Variants in TMEM252 observed in about 807,000 individuals in gnomAD.
TMEM252 encodes transmembrane protein C9orf71.
TMEM252 carries 4 observed loss-of-function variants against 6.4 expected under a neutral mutation model. The observed-to-expected ratio is 0.62, with a 90% CI of 0.31 to 1.43. TMEM252 has a LOEUF of 1.43. TMEM252 is among the 40% of genes most tolerant of loss of function. The pLI is 0.07. For missense variants in TMEM252, 207 were observed against 209.4 expected, an observed-to-expected ratio of 0.99 and a Z score of 0.07; for synonymous variants, 85 against 82.5, an observed-to-expected ratio of 1.03 and a Z score of -0.17.
intron 1 of TMEM252, among the ~76,000 whole-genome samples, chr9:68,540,176 C>T (rs1422276558): frequency 6.6e-6 from 1 of 152,130 alleles, no homozygotes; most frequent in Admixed American, 6.6e-5. Flanking sequence ...ACTTGCTTTC[C>T]TTAGAACCTC....
In TMEM252 at chr9:68,537,208, A is replaced by C. The variant is rs1423789581; in HGVS notation, c.*51T>G. On this transcript the variant is annotated 3_prime_UTR_variant, in exon 2 of 2. Coordinates refer to ENST00000377311, the MANE Select transcript of TMEM252 (RefSeq NM_153237.2). ...TCCCTCGTTTGCCTTTATTATCAGTAGCTGCTCCCCACAGTGGTGGCATCA... is the reference window on the plus strand; with the variant it reads ...TCCCTCGTTTGCCTTTATTATCAGTCGCTGCTCCCCACAGTGGTGGCATCA... 4.0e-6 allele frequency: 6 copies of C among 1,516,058 alleles called. No individual in the cohort carries two copies. The highest frequency in any genetic ancestry group is 1.4e-5 in the African/African-American group (1 of 71,676). 93.9% of individuals were successfully genotyped at this position (1,516,058 alleles called of 1,614,324 possible).
At position 68,540,605 on chromosome 9, in the gene TMEM252, T is replaced by G. The variant is rs779892268; in HGVS notation, c.210A>C (p.Lys70Asn). 3 of 1,614,068 alleles carry G rather than the reference T, an allele frequency of 1.9e-6. No individual in the cohort carries two copies. Among genetic ancestry groups the G allele is most frequent in the Non-Finnish European group, 2.5e-6 (3 of 1,180,034 alleles). Residue 70 changes from lysine to asparagine, a missense_variant, in exon 1 of 2, where the codon AAA becomes AAC. Physicochemically the swap from Lys to Asn is moderately conservative, Grantham distance 94. Coordinates refer to ENST00000377311, the MANE Select transcript of TMEM252 (RefSeq NM_153237.2). ...GTCGGAGCATGTGCCTCAACACTCCTTTGCTTTCAGTCACCTGGCGATAGT... is the reference window on the plus strand; with the variant it reads ...GTCGGAGCATGTGCCTCAACACTCCGTTGCTTTCAGTCACCTGGCGATAGT... ...WSNYRQVTES[K>N]GVLRHMLRQH... is the part of the protein sequence containing the mutation.
chr9:68,537,183 T>G lies in TMEM252; in HGVS notation c.*76A>C, dbSNP rs1381003774. The G allele has an allele frequency of 7.6e-7, 1 of 1,316,136 alleles. No homozygotes were observed. Among genetic ancestry groups the G allele is most frequent in the African/African-American group, 1.5e-5 (1 of 66,844 alleles). The allele number at this position is 1,316,136 out of a possible 1,614,324, so 81.5% of individuals were successfully genotyped here. On this transcript the variant is annotated 3_prime_UTR_variant, in exon 2 of 2. Coordinates refer to ENST00000377311, the MANE Select transcript of TMEM252 (RefSeq NM_153237.2). ...CCTGGTGTGGCTTTTCCTCCCACAG[T>G]CCCTCGTTTGCCTTTATTATCAGTA...
chr9:68,537,521 G>A lies in TMEM252; in HGVS notation c.279-28C>T, dbSNP rs377199374. The A allele has an allele frequency of 2.8e-4, 441 of 1,570,018 alleles. 1 individual carries two copies. The highest frequency in any genetic ancestry group is 3.5e-4 in the Non-Finnish European group (410 of 1,155,438). On this transcript the variant is annotated intron_variant, in intron 1 of 1. Transcript: ENST00000377311. ...AGGGGACAAAACAGCATAAACATGC[G>A]TGCGTTATTTAGGCATTAATGCCAA...
chr9:68,540,227 T>G (rs1369832541), intron 1 of TMEM252, among the ~76,000 whole-genome samples: 4 of 152,216 alleles, frequency 2.6e-5, no homozygotes, highest in African/African-American at 9.6e-5. Context: ...CACCTGCCAC[T>G]AATTAATGAC....
chr9:68,537,720 T>G (rs1825158721), intron 1 of TMEM252, among the ~76,000 whole-genome samples: 1 of 152,242 alleles, frequency 6.6e-6, no homozygotes, highest in African/African-American at 2.4e-5. Context: ...AGTCACATTT[T>G]TTTCCCAGTG....
Position 68,537,489 on chromosome 9 carries a change from C to T in TMEM252, c.283G>A (p.Asp95Asn), listed in dbSNP as rs770609895. 62 of 1,600,502 alleles carry T rather than the reference C, an allele frequency of 3.9e-5. No homozygotes were observed. Among genetic ancestry groups the T allele is most frequent in the Non-Finnish European group, 3.5e-5 (41 of 1,176,144 alleles). The change falls in exon 2 of 2, where the codon GAC (aspartate) becomes AAC (asparagine). Residue 95 changes from aspartate to asparagine, a missense_variant. Transcript: ENST00000377311. ...ALPVATVDRP[D>N]FYPPAYEESL... is the part of the protein sequence containing the mutation. ...TCTTCATAAGCTGGAGGGTAAAAGT[C>T]TGGCCTAGGGGACAAAACAGCATAA...
chr9:68,540,279 G>A (rs1384807148), intron 1 of TMEM252, among the ~76,000 whole-genome samples: 1 of 152,298 alleles, frequency 6.6e-6, no homozygotes, highest in East Asian at 1.9e-4. Flanking sequence ...TTCTAAATTG[G>A]CTTAGGTGGG....
chr9:68,538,272 G>T (rs902426008), intron 1 of TMEM252, among the ~76,000 whole-genome samples: 1 of 152,120 alleles, frequency 6.6e-6, no homozygotes, highest in Admixed American at 6.5e-5. Context: ...CGGTGAGCTT[G>T]GCTGAGTTGT....
rs190241156 is a variant in TMEM252, at chr9:68,537,809, A to G, written c.279-316T>C. ...CATTCAGTGTGAGATCCTTGTCAAC[A>G]TTAGAGGAGGTGGGGGCTTTGGATA... is the stretch of plus-strand genomic sequence containing the variant. On this transcript the variant is annotated intron_variant, in intron 1 of 1. Coordinates refer to ENST00000377311, the MANE Select transcript of TMEM252 (RefSeq NM_153237.2). Among the ~76,000 whole-genome samples, 21 of 152,286 alleles carry G rather than the reference A, an allele frequency of 1.4e-4. No homozygotes were observed. In the East Asian group the frequency reaches 2.9e-3, roughly 21 times the overall value.
chr9:68,537,196 TTTA>T lies in TMEM252; in HGVS notation c.*60_*62del. ...TTCCTCCCACAGTCCCTCGTTTGCC[TTTA>T]TTATCAGTAGCTGCTCCCCACAGTG... On this transcript the variant is annotated 3_prime_UTR_variant, in exon 2 of 2. Coordinates refer to ENST00000377311, the MANE Select transcript of TMEM252 (RefSeq NM_153237.2). 6.8e-7 allele frequency: 1 copy of T among 1,464,566 alleles called. No individual in the cohort carries two copies. The highest frequency in any genetic ancestry group is 2.4e-5 in the East Asian group (1 of 42,136). 90.7% of individuals were successfully genotyped at this position (1,464,566 alleles called of 1,614,324 possible).
At chr9:68,539,358 T>G (rs1413935583) in intron 1 of TMEM252, among the ~76,000 whole-genome samples, 1 of 152,206 alleles carries the variant, frequency 6.6e-6, no homozygotes, top group African/African-American at 2.4e-5. Flanking sequence ...ATTTACTGTT[T>G]TTAAGTGTAT....
At chr9:68,537,646 G>A (rs987729663) in intron 1 of TMEM252, among the ~76,000 whole-genome samples, 153 bp from the exon 2 acceptor site, 1 of 152,270 alleles carries the variant, frequency 6.6e-6, no homozygotes, top group Non-Finnish European at 1.5e-5. Context: ...GGCATCACCA[G>A]TTTTTTAAAA....
chr9:68,540,832 C>G lies in TMEM252; in HGVS notation c.-18G>C, dbSNP rs755702223. 1.9e-6 allele frequency: 3 copies of G among 1,608,226 alleles called. No homozygotes were observed. Among genetic ancestry groups the G allele is most frequent in the East Asian group, 2.2e-5 (1 of 44,746 alleles). Reference sequence around the variant, plus strand: ...TTCTGCATCCTTGCACCTTAGGAACCCAGCACCCTGACCCTGCTGCTCCTC... The same window carrying G: ...TTCTGCATCCTTGCACCTTAGGAACGCAGCACCCTGACCCTGCTGCTCCTC... On this transcript the variant is annotated 5_prime_UTR_variant, in exon 1 of 2. Coordinates refer to ENST00000377311, the MANE Select transcript of TMEM252 (RefSeq NM_153237.2).
chr9:68,539,611 T>A (rs1319635611), intron 1 of TMEM252, among the ~76,000 whole-genome samples: 1 of 152,270 alleles, frequency 6.6e-6, no homozygotes, highest in Non-Finnish European at 1.5e-5. Context: ...AGTGGTGGCA[T>A]GTGCCAGGAT....
intron 1 of TMEM252, among the ~76,000 whole-genome samples, chr9:68,539,939 G>A (rs1283146048): frequency 6.6e-6 from 1 of 152,162 alleles, no homozygotes; most frequent in Non-Finnish European, 1.5e-5. Context: ...AACACTAGCT[G>A]TTTGGTTTTG....
chr9:68,538,042 AG>A (rs1825162566), intron 1 of TMEM252, among the ~76,000 whole-genome samples: 1 of 152,264 alleles, frequency 6.6e-6, no homozygotes, highest in South Asian at 2.1e-4. Flanking sequence ...CTAGTTTCAA[AG>A]AAAATATACA....
rs1564033338 is a variant in TMEM252, at chr9:68,540,770, C to G, written c.45G>C (p.Leu15=). 1 of 1,614,122 alleles carries G rather than the reference C, an allele frequency of 6.2e-7. No individual in the cohort carries two copies. Among genetic ancestry groups the G allele is most frequent in the Non-Finnish European group, 8.5e-7 (1 of 1,180,016 alleles). ...TGLILCALAL[L]MGFLMVCLGA... ...CCAGGCAGACCATCAGGAAACCCAT[C>G]AGGAGGGCAAGAGCACAGAGAATGA... The change falls in exon 1 of 2, where the codon CTG becomes CTC. Residue 15 remains leucine, a synonymous_variant. Transcript: ENST00000377311.
rs371615871 is a variant in TMEM252, at chr9:68,536,877, T to C, written c.*382A>G. The C allele has an allele frequency of 7.1e-4, 147 of 206,602 alleles. 3 individuals are homozygous for C. In the South Asian group the frequency reaches 9.9e-3, roughly 14 times the overall value. The allele number at this position is 206,602 out of a possible 1,614,324, so 12.8% of individuals were successfully genotyped here. On this transcript the variant is annotated 3_prime_UTR_variant, in exon 2 of 2. Transcript: ENST00000377311. ...AGGTGATATAGAACAGGAAGGCATG[T>C]GGCTGTCCTGACAACCAGCATCTAT...
Sources: allele counts gnomAD v4.1 joint callset (sites outside exome capture counted in the v4.1 genomes callset), GRCh38; gene constraint gnomAD v4.1.1; transcripts MANE v1.5; gene names NCBI Gene and HGNC (gene_info 2026-07-23, HGNC 2026-07-21).